Variants in SENP1 observed in about 807,000 individuals in gnomAD.
The protein encoded by SENP1 is sentrin-specific protease 1.
Under a neutral mutation model 93.0 loss-of-function variants are expected in SENP1, and 21 were observed. The ratio of observed to expected loss-of-function variants is 0.23; its 90% confidence interval spans 0.16 to 0.33. SENP1 has a LOEUF of 0.33. SENP1 is among the 10% of genes least tolerant of loss of function. The pLI is 1.00. For synonymous variants in SENP1, 256 were observed against 259.6 expected (o/e 0.99, Z 0.13); for missense variants, 591 against 758.7 (o/e 0.78, Z 2.60).
At chr12:48,094,758 T>A (rs1156548699) in intron 4 of SENP1, among the ~76,000 whole-genome samples, 1 of 152,100 alleles carries the variant, frequency 6.6e-6, no homozygotes, top group African/African-American at 2.4e-5. Flanking sequence ...GAACTTTGAG[T>A]AGAATTTTCT....
chr12:48,080,989 C>A (rs1013387785), intron 6 of SENP1, among the ~76,000 whole-genome samples: 2 of 152,268 alleles, frequency 1.3e-5, no homozygotes, highest in East Asian at 3.9e-4. Context: ...CAAGCAACCC[C>A]CAGTCCTCAG....
At position 48,059,922 on chromosome 12, in the gene SENP1, A is replaced by C. The variant is rs988401003; in HGVS notation, c.1407+3788T>G. Among the ~76,000 whole-genome samples the C allele has an allele frequency of 2.6e-5, 4 of 152,088 alleles. No individual in the cohort carries two copies. The South Asian group carries it at 8.3e-4, about 32-fold the overall frequency. The stretch of plus-strand genomic sequence containing the variant: ...TAACTGGTTGGAACATAAACTATTG[A>C]CACCTGTGCTGGCTCTAAGACTGCT... On this transcript the variant is annotated intron_variant, in intron 13 of 17. Transcript: ENST00000549518.
chr12:48,065,027 A>G (rs1168057952), intron 12 of SENP1, 38 bp downstream of exon 12: 3 of 1,390,576 alleles, frequency 2.2e-6, no homozygotes, highest in East Asian at 4.6e-5. Context: ...TCTAAACATG[A>G]TACTTAGTAG....
chr12:48,046,205 G>T (rs962121483), intron 17 of SENP1, 151 bp downstream of exon 17: 9 of 573,868 alleles, frequency 1.6e-5, no homozygotes, highest in Non-Finnish European at 2.9e-5. Flanking sequence ...ATGTGATTCA[G>T]GTAGTAACCA....
At chr12:48,069,152 C>CAAAAAAAAAAAAAAAAAAAAAAA (rs10564674) in intron 9 of SENP1, among the ~76,000 whole-genome samples, 1 of 76,336 alleles carries the variant, frequency 1.3e-5, no homozygotes, top group African/African-American at 5.6e-5. Context: ...GACTCTGTCA[C>CAAAAAAAAAAAAAAAAAAAAAAA]AAAAAAAAAA....
intron 13 of SENP1, among the ~76,000 whole-genome samples, chr12:48,052,461 T>C (rs1941891139): frequency 6.6e-6 from 1 of 152,170 alleles, no homozygotes; most frequent in African/African-American, 2.4e-5. Flanking sequence ...TTTTCCAATT[T>C]TACCTCTCTA....
chr12:48,099,906 C>A (rs560498299), intron 2 of SENP1, among the ~76,000 whole-genome samples: 2 of 152,184 alleles, frequency 1.3e-5, no homozygotes, highest in South Asian at 4.1e-4. Flanking sequence ...AATATTATGG[C>A]AGAATTTTAC....
intron 6 of SENP1, among the ~76,000 whole-genome samples, chr12:48,077,703 G>A (rs954424896): frequency 3.3e-5 from 5 of 151,774 alleles, no homozygotes; most frequent in African/African-American, 1.2e-4. Flanking sequence ...ATTTACATTA[G>A]GTATATCTCC....
intron 5 of SENP1, chr12:48,085,337 C>T: frequency 6.9e-7 from 1 of 1,457,922 alleles, no homozygotes; most frequent in East Asian, 2.3e-5. Flanking sequence ...TGGAGATCCC[C>T]TCCAAGGAGC....
intron 2 of SENP1, 120 bp downstream of exon 2, chr12:48,101,349 T>C: frequency 1.3e-6 from 1 of 772,472 alleles, no homozygotes; most frequent in South Asian, 1.7e-5. Flanking sequence ...TTAAAATTTC[T>C]CTTAAAATTA....
At chr12:48,088,614 CAT>C in intron 5 of SENP1, 185 bp downstream of exon 5, 1 of 590,270 alleles carries the variant, frequency 1.7e-6, no homozygotes, top group East Asian at 3.0e-5. Context: ...ATCTGGCTAT[CAT>C]CAAAATTCAG....
chr12:48,047,754 T>C (rs1259647702), intron 15 of SENP1, among the ~76,000 whole-genome samples: 4 of 152,244 alleles, frequency 2.6e-5, no homozygotes, highest in Non-Finnish European at 5.9e-5. Flanking sequence ...AAATGATTTC[T>C]AAGTAGCATC....
At chr12:48,101,409 T>C (rs772624643) in intron 2 of SENP1, 60 bp downstream of exon 2, 73 of 1,376,528 alleles carry the variant, frequency 5.3e-5, no homozygotes, top group Non-Finnish European at 7.4e-5. Context: ...AAACCCATTC[T>C]TTCACTACAG....
chr12:48,050,024 T>A (rs935311449), intron 13 of SENP1, among the ~76,000 whole-genome samples: 3 of 152,218 alleles, frequency 2.0e-5, no homozygotes, highest in Non-Finnish European at 4.4e-5. Flanking sequence ...ATAGTGACTA[T>A]GTTGTGTATG....
intron 13 of SENP1, among the ~76,000 whole-genome samples, chr12:48,049,456 A>G (rs568058338): frequency 6.6e-6 from 1 of 152,346 alleles, no homozygotes; most frequent in East Asian, 1.9e-4. Context: ...TGAGGCTTAC[A>G]GAAAAGGAGA....
intron 6 of SENP1, among the ~76,000 whole-genome samples, chr12:48,078,422 T>A (rs11168397): frequency 6.7e-6 from 1 of 150,010 alleles, no homozygotes; most frequent in Non-Finnish European, 1.5e-5. Flanking sequence ...TATTCACACA[T>A]ACACATACAC....
At chr12:48,066,876 A>G in intron 10 of SENP1, 51 bp downstream of exon 10, 1 of 1,357,964 alleles carries the variant, frequency 7.4e-7, no homozygotes, top group Non-Finnish European at 1.0e-6. Context: ...GATTTCTTCT[A>G]ACTAAAAATG....
Position 48,083,638 on chromosome 12 carries a change from A to G in SENP1, c.505T>C (p.Leu169=). The G allele has an allele frequency of 1.2e-6, 2 of 1,613,880 alleles. No individual in the cohort carries two copies. The highest frequency in any genetic ancestry group is 1.7e-6 in the Non-Finnish European group (2 of 1,179,846). Residue 169 remains leucine, a synonymous_variant, in exon 6 of 18, where the codon TTG becomes CTG. Transcript: ENST00000549518. The part of the protein sequence containing the change: ...SWSGSCRRSL[L]SPKKTQRRHV... ...CGCCTCTGAGTTTTCTTGGGGCTCAAAAGACTTCGACGACATGAACCACTC... is the reference window on the plus strand; with the variant it reads ...CGCCTCTGAGTTTTCTTGGGGCTCAGAAGACTTCGACGACATGAACCACTC...
At chr12:48,077,649 T>C (rs1944195836) in intron 6 of SENP1, among the ~76,000 whole-genome samples, 1 of 152,124 alleles carries the variant, frequency 6.6e-6, no homozygotes, top group Admixed American at 6.5e-5. Flanking sequence ...TTGTTACATA[T>C]GTATACATGT....
Sources: allele counts gnomAD v4.1 joint callset (sites outside exome capture counted in the v4.1 genomes callset), GRCh38; gene constraint gnomAD v4.1.1; transcripts MANE v1.5; gene names NCBI Gene and HGNC (gene_info 2026-07-23, HGNC 2026-07-21).